Variants in RS1 observed in about 807,000 individuals in gnomAD.
RS1 encodes retinoschisin.
RS1 carries 2 observed loss-of-function variants against 20.8 expected under a neutral mutation model. That is an observed-to-expected ratio of 0.10 (90% CI 0.04 to 0.30). RS1 has a LOEUF of 0.30. Among genes scored for constraint, RS1 ranks in the 10% least tolerant of loss-of-function variants. The pLI, the probability that RS1 is intolerant of heterozygous loss-of-function variation, is 1.00. For missense variants in RS1, 151 were observed against 189.8 expected (o/e 0.80, Z 1.20); for synonymous variants, 70 against 75.8 (o/e 0.92, Z 0.40).
At chrX:18,651,896 C>T (rs1928064682) in intron 3 of RS1, among the ~76,000 whole-genome samples, 1 of 110,801 alleles carries the variant, frequency 9.0e-6, no homozygotes, top group Admixed American at 9.6e-5. Flanking sequence ...CTTTTCAGGT[C>T]CACATGTGGC....
intron 1 of RS1, among the ~76,000 whole-genome samples, chrX:18,663,032 C>CT (rs55857398): frequency 0.032 from 2,351 of 74,370 alleles, 284 homozygotes; most frequent in African/African-American, 0.15. Context: ...AGAACAATGA[C>CT]TTTTTTTTTT....
chrX:18,666,866 C>T (rs1217490028), intron 1 of RS1, among the ~76,000 whole-genome samples: 2 of 109,645 alleles, frequency 1.8e-5, no homozygotes, highest in Non-Finnish European at 3.8e-5. Flanking sequence ...ATTTGCGGGG[C>T]GGGCGGAAGG....
chrX:18,649,228 G>A (rs773051479), intron 3 of RS1, among the ~76,000 whole-genome samples: 1 of 110,221 alleles, frequency 9.1e-6, no homozygotes, highest in African/African-American at 3.3e-5. Flanking sequence ...AAAACAAATG[G>A]CAAATATATT....
chrX:18,663,848 G>A (rs1409089789), intron 1 of RS1, among the ~76,000 whole-genome samples: 1 of 111,843 alleles, frequency 8.9e-6, no homozygotes, highest in Non-Finnish European at 1.9e-5. Flanking sequence ...AGTAAGCACT[G>A]AATGGCCTAC....
At chrX:18,669,487 C>CAA (rs386416704) in intron 1 of RS1, among the ~76,000 whole-genome samples, 29,930 of 58,684 alleles carry the variant, frequency 0.51, 7,236 homozygotes, top group Non-Finnish European at 0.62. Context: ...GTGAAATTCT[C>CAA]AAAAAAAAAA....
At chrX:18,646,495 C>T (rs1243780345) in intron 4 of RS1, among the ~76,000 whole-genome samples, 1 of 112,666 alleles carries the variant, frequency 8.9e-6, no homozygotes, top group Non-Finnish European at 1.9e-5. Flanking sequence ...CACACTTCTA[C>T]ATTAAGTCAC....
Position 18,656,078 on chromosome X carries a change from G to A in RS1, c.184+575C>T, listed in dbSNP as rs181246773. Among the ~76,000 whole-genome samples the A allele has an allele frequency of 1.4e-3, 124 of 89,506 alleles. 3 individuals are homozygous for A. The East Asian group carries it at 0.04, about 29-fold the overall frequency. 77.7% of individuals were successfully genotyped at this position (89,506 alleles called of 115,157 possible). ...TACGATCACTGCTTGCTGCAACTCC[G>A]CCTCCCGGGTTCAAGCAATCCTCCC... On this transcript the variant is annotated intron_variant, in intron 3 of 5. Coordinates refer to ENST00000379984, the MANE Select transcript of RS1 (RefSeq NM_000330.4).
In RS1 at chrX:18,647,211, C is replaced by T. The variant is rs762601581; in HGVS notation, c.306G>A (p.Arg102=). The T allele has an allele frequency of 8.3e-7, 1 of 1,211,081 alleles. No homozygotes were observed. The highest frequency in any genetic ancestry group is 1.1e-6 in the Non-Finnish European group (1 of 895,403). Residue 102 remains arginine (R), a synonymous_variant, in exon 4 of 6, where the codon CGG becomes CGA. Coordinates refer to ENST00000379984, the MANE Select transcript of RS1 (RefSeq NM_000330.4). ...WYSSWTANKA[R]LNSQGFGCAW... ...CTTACCCAAAGCCTTGACTGTTGAGCCGGGCCTTGTTTGCAGTCCACGAAG... is the reference window on the plus strand; with the variant it reads ...CTTACCCAAAGCCTTGACTGTTGAGTCGGGCCTTGTTTGCAGTCCACGAAG...
intron 3 of RS1, 186 bp from the exon 4 acceptor site, chrX:18,647,518 T>C: frequency 2.2e-6 from 1 of 464,709 alleles, no homozygotes; most frequent in Non-Finnish European, 3.7e-6. Flanking sequence ...AAGAAAGGAA[T>C]GAAGGATGAA....
chrX:18,658,542 G>A (rs1031298711), intron 1 of RS1, among the ~76,000 whole-genome samples: 3 of 109,716 alleles, frequency 2.7e-5, no homozygotes, highest in African/African-American at 1.0e-4. Context: ...TGCAACCTCC[G>A]CCTCCTGGGT....
chrX:18,653,069 C>A (rs1928117093), intron 3 of RS1, among the ~76,000 whole-genome samples: 1 of 111,959 alleles, frequency 8.9e-6, no homozygotes, highest in Admixed American at 9.5e-5. Flanking sequence ...ATATATGTGA[C>A]AATATAGTAG....
chrX:18,644,395 C>G (rs773168630), intron 5 of RS1, 35 bp downstream of exon 5: 1 of 1,185,099 alleles, frequency 8.4e-7, no homozygotes, highest in Non-Finnish European at 1.1e-6. Context: ...CCAGAGGGTG[C>G]GAGCTGAAGT....
chrX:18,665,883 CAAAA>C (rs55857132), intron 1 of RS1, among the ~76,000 whole-genome samples: 2 of 34,877 alleles, frequency 5.7e-5, no homozygotes, highest in African/African-American at 1.1e-4. Context: ...GACCCTGTCT[CAAAA>C]AAAAAAAAAA....
intron 5 of RS1, among the ~76,000 whole-genome samples, chrX:18,643,160 A>G (rs1363873566): frequency 9.0e-6 from 1 of 111,630 alleles, no homozygotes; most frequent in Non-Finnish European, 1.9e-5. Context: ...ACATAAAAAC[A>G]TGCTGTGGGT....
intron 1 of RS1, among the ~76,000 whole-genome samples, chrX:18,666,850 G>A: frequency 9.0e-6 from 1 of 111,012 alleles, no homozygotes; most frequent in Non-Finnish European, 1.9e-5. Context: ...GGAGGATAGA[G>A]CTGCCATTTG....
chrX:18,668,706 A>G (rs751662928), intron 1 of RS1, among the ~76,000 whole-genome samples: 167 of 112,789 alleles, frequency 1.5e-3, no homozygotes, highest in African/African-American at 5.1e-3. Context: ...ATGAACCTCA[A>G]CCACATATGC....
chrX:18,653,955 G>A (rs1569232641), intron 3 of RS1, among the ~76,000 whole-genome samples: 1 of 108,437 alleles, frequency 9.2e-6, no homozygotes, highest in South Asian at 4.0e-4. Flanking sequence ...GAGACAGAGT[G>A]AGATTCCGTC....
chrX:18,659,039 C>G (rs6633111), intron 1 of RS1, among the ~76,000 whole-genome samples: 5 of 111,660 alleles, frequency 4.5e-5, no homozygotes, highest in African/African-American at 1.6e-4. Flanking sequence ...CATATAAGCT[C>G]TCTTTATAGA....
intron 4 of RS1, 43 bp downstream of exon 4, chrX:18,647,148 T>G (rs772328415): frequency 1.7e-6 from 2 of 1,203,316 alleles, no homozygotes; most frequent in African/African-American, 3.5e-5. Context: ...AGGCCTATTT[T>G]TTTTTAAAAG....
Sources: allele counts gnomAD v4.1 joint callset (sites outside exome capture counted in the v4.1 genomes callset), GRCh38; gene constraint gnomAD v4.1.1; transcripts MANE v1.5; gene names NCBI Gene and HGNC (gene_info 2026-07-23, HGNC 2026-07-21).